The following NUP62 variants were observed in gnomAD, a reference collection of about 807,000 sequenced individuals.
NUP62 encodes nucleoporin 62.
For missense variants in NUP62, 647 were observed against 689.4 expected (o/e 0.94, Z 0.69); for synonymous variants, 305 against 303.4 (o/e 1.01, Z -0.05).
chr19:49,912,748 C>T (rs182543311), intron 2 of NUP62, among the ~76,000 whole-genome samples: 5 of 143,422 alleles, frequency 3.5e-5, no homozygotes, highest in Admixed American at 6.8e-5. Context: ...CGCCTGTAGT[C>T]GCAGCTACCT....
chr19:49,923,285 C>T (rs759760022), intron 2 of NUP62, among the ~76,000 whole-genome samples: 21 of 152,308 alleles, frequency 1.4e-4, no homozygotes, highest in African/African-American at 4.8e-4. Flanking sequence ...CCCTGGCCTG[C>T]GTGACCCAGT....
intron 2 of NUP62, among the ~76,000 whole-genome samples, chr19:49,913,335 T>C (rs928360205): frequency 6.6e-6 from 1 of 152,192 alleles, no homozygotes; most frequent in Admixed American, 6.5e-5. Context: ...AGAATCTCTA[T>C]GTTCTTGAAA....
intron 2 of NUP62, among the ~76,000 whole-genome samples, chr19:49,912,166 C>CTTTTTTT: frequency 8.7e-6 from 1 of 115,486 alleles, no homozygotes; most frequent in Non-Finnish European, 1.7e-5. Flanking sequence ...AACAGTTCAC[C>CTTTTTTT]TTTTTTTTTT....
intron 2 of NUP62, among the ~76,000 whole-genome samples, chr19:49,925,377 C>CA (rs2075861615): frequency 6.6e-6 from 1 of 150,794 alleles, no homozygotes; most frequent in Non-Finnish European, 1.5e-5. Context: ...CGTTTGAGCC[C>CA]AGGAATCAGG....
Position 49,925,534 on chromosome 19 carries a change from A to T in NUP62, c.-78+2160T>A, listed in dbSNP as rs117861482. On this transcript the variant is annotated intron_variant, in intron 2 of 2. Coordinates refer to ENST00000352066, the MANE Select transcript of NUP62 (RefSeq NM_016553.5). ...CTGAGACAAAACCAAATGGAAGCAC[A>T]TTCCATAAAATACCCAACCAGCATT... Among the ~76,000 whole-genome samples the T allele has an allele frequency of 3.1e-3, 479 of 152,238 alleles. 2 individuals are homozygous for T. Among genetic ancestry groups the T allele is most frequent in the Non-Finnish European group, 5.1e-3 (345 of 68,014 alleles).
At chr19:49,914,972 T>A (rs1327758522) in intron 2 of NUP62, among the ~76,000 whole-genome samples, 4 of 151,874 alleles carry the variant, frequency 2.6e-5, no homozygotes, top group Non-Finnish European at 2.9e-5. Context: ...ACTCCTGACC[T>A]CAGGTGATCT....
intron 2 of NUP62, among the ~76,000 whole-genome samples, chr19:49,919,773 G>T (rs2075719263): frequency 6.7e-6 from 1 of 149,030 alleles, no homozygotes; most frequent in Admixed American, 6.8e-5. Flanking sequence ...GAGATTTTAA[G>T]GAAGATTCTA....
chr19:49,920,291 CA>C (rs757082535), intron 2 of NUP62, among the ~76,000 whole-genome samples: 1 of 152,206 alleles, frequency 6.6e-6, no homozygotes, highest in Non-Finnish European at 1.5e-5. Context: ...CCATGTTGGC[CA>C]GGATGGTATG....
intron 2 of NUP62, among the ~76,000 whole-genome samples, chr19:49,925,466 A>AAG (rs1446659833): frequency 0.043 from 6,175 of 143,272 alleles, 293 homozygotes; most frequent in East Asian, 0.11. Context: ...AAAAAAAAAT[A>AAG]GCATCCTACC....
At chr19:49,917,340 C>T (rs1379032522) in intron 2 of NUP62, among the ~76,000 whole-genome samples, 2 of 152,246 alleles carry the variant, frequency 1.3e-5, no homozygotes, top group East Asian at 3.8e-4. Context: ...TCTGCAAACT[C>T]CACAAGTCTA....
chr19:49,907,427 C>A lies in NUP62; in HGVS notation c.*812G>T. The A allele has an allele frequency of 2.5e-5, 10 of 407,602 alleles. No homozygotes were observed. Among genetic ancestry groups the A allele is most frequent in the South Asian group, 1.4e-4 (8 of 56,808 alleles). 25.2% of individuals were successfully genotyped at this position (407,602 alleles called of 1,614,324 possible). A position where few individuals can be genotyped will look rare whatever the true frequency, so the allele number is the denominator to read the frequency against. ...ACCTGTCTTCTGTGAAATTCTTGAT[C>A]CCGCTCTGTTCTATTCACACTGTGC... On this transcript the variant is annotated 3_prime_UTR_variant, in exon 3 of 3. Coordinates refer to ENST00000352066, the MANE Select transcript of NUP62 (RefSeq NM_016553.5).
intron 2 of NUP62, 76 bp from the exon 3 acceptor site, chr19:49,909,960 G>A: frequency 1.3e-6 from 1 of 774,700 alleles, no homozygotes; most frequent in East Asian, 2.7e-5. Context: ...GGCACAGTCG[G>A]TTTGGAGGGT....
chr19:49,923,963 C>T (rs958070225), intron 2 of NUP62, among the ~76,000 whole-genome samples: 7 of 152,262 alleles, frequency 4.6e-5, no homozygotes, highest in African/African-American at 1.7e-4. Context: ...TGATGCAAAA[C>T]TCGGAGCCTT....
Position 49,920,143 on chromosome 19 carries a change from C to T in NUP62, c.-78+7551G>A, listed in dbSNP as rs10401432. Among the ~76,000 whole-genome samples the T allele has an allele frequency of 0.014, 2,186 of 151,998 alleles. 91 individuals carry two copies. In the East Asian group the frequency reaches 0.18, roughly 12 times the overall value. On this transcript the variant is annotated intron_variant, in intron 2 of 2. Transcript: ENST00000352066. ...CTGTCATCAGGCTGGAGTGCAGTGG[C>T]GTGATCTCAGCTCATCGCAACCTCT...
At chr19:49,918,905 G>C (rs1381640840) in intron 2 of NUP62, among the ~76,000 whole-genome samples, 2 of 147,662 alleles carry the variant, frequency 1.4e-5, no homozygotes, top group Admixed American at 1.4e-4. Context: ...TGGGGGGGGG[G>C]GGGCGGGGTG....
intron 2 of NUP62, among the ~76,000 whole-genome samples, chr19:49,923,028 C>T (rs1270538002): frequency 1.3e-5 from 2 of 152,170 alleles, no homozygotes; most frequent in African/African-American, 4.8e-5. Context: ...TGATGGCATC[C>T]TGGGCTCTAG....
intron 2 of NUP62, among the ~76,000 whole-genome samples, chr19:49,926,162 C>T (rs1223819439): frequency 3.7e-5 from 5 of 133,938 alleles, no homozygotes; most frequent in Admixed American, 8.6e-5. Context: ...TGAGCTGTGA[C>T]GGTGCCACTG....
At chr19:49,916,682 T>C (rs1465608397) in intron 2 of NUP62, among the ~76,000 whole-genome samples, 2 of 151,278 alleles carry the variant, frequency 1.3e-5, no homozygotes, top group East Asian at 2.0e-4. Context: ...GAGAATGGCA[T>C]CAACCCGGGA....
At chr19:49,927,040 T>C (rs2075911767) in intron 2 of NUP62, among the ~76,000 whole-genome samples, 1 of 152,036 alleles carries the variant, frequency 6.6e-6, no homozygotes, top group Non-Finnish European at 1.5e-5. Context: ...TTTGTATTTT[T>C]GGTAGAGACA....
Sources: allele counts gnomAD v4.1 joint callset (sites outside exome capture counted in the v4.1 genomes callset), GRCh38; gene constraint gnomAD v4.1.1; transcripts MANE v1.5; gene names NCBI Gene and HGNC (gene_info 2026-07-23, HGNC 2026-07-21).